Variants in IGF2BP2 observed in about 807,000 individuals in gnomAD.
IGF2BP2 encodes insulin like growth factor 2 mRNA binding protein 2.
Under a neutral mutation model 75.8 loss-of-function variants are expected in IGF2BP2, and 17 were observed. That is an observed-to-expected ratio of 0.22 (90% CI 0.15 to 0.34). The LOEUF is 0.34. Ranked by LOEUF, IGF2BP2 falls within the 10% of genes least tolerant of loss-of-function variation. IGF2BP2 has a pLI of 1.00. For missense variants in IGF2BP2, 516 were observed against 772.4 expected, an observed-to-expected ratio of 0.67 and a Z score of 3.93; for synonymous variants, 288 against 295.6, an observed-to-expected ratio of 0.97 and a Z score of 0.26.
chr3:185,757,459 C>CTTT (rs57417087), intron 2 of IGF2BP2, among the ~76,000 whole-genome samples: 315 of 99,612 alleles, frequency 3.2e-3, no homozygotes, highest in Non-Finnish European at 4.4e-3. Flanking sequence ...ATATCTCATA[C>CTTT]TTTTTTTTTT....
chr3:185,808,242 G>T (rs972341466), intron 2 of IGF2BP2, among the ~76,000 whole-genome samples: 5 of 152,058 alleles, frequency 3.3e-5, no homozygotes, highest in African/African-American at 4.8e-5. Flanking sequence ...TTGGAAGGCC[G>T]AGGCGGGTGG....
intron 2 of IGF2BP2, among the ~76,000 whole-genome samples, chr3:185,706,889 C>T (rs996430738): frequency 2.0e-5 from 3 of 151,644 alleles, no homozygotes; most frequent in African/African-American, 4.8e-5. Context: ...GACAGGAGCG[C>T]ACCACCACGC....
intron 5 of IGF2BP2, 119 bp from the exon 6 acceptor site, chr3:185,689,746 A>C (rs1721671824): frequency 9.1e-7 from 1 of 1,096,638 alleles, no homozygotes; most frequent in African/African-American, 1.6e-5. Flanking sequence ...AGGCGGGTGG[A>C]TCACGAGGTC....
intron 6 of IGF2BP2, among the ~76,000 whole-genome samples, chr3:185,688,490 G>A (rs1162798656): frequency 6.6e-6 from 1 of 152,164 alleles, no homozygotes; most frequent in South Asian, 2.1e-4. Context: ...TTACAGGCGT[G>A]AGCCACCACA....
At chr3:185,823,761 G>A (rs1008983776) in intron 1 of IGF2BP2, among the ~76,000 whole-genome samples, 20 of 152,046 alleles carry the variant, frequency 1.3e-4, no homozygotes, top group Non-Finnish European at 2.2e-4. Flanking sequence ...GTGGGGAAGG[G>A]GCTCCCGCCG....
At chr3:185,804,436 CA>C (rs71164544) in intron 2 of IGF2BP2, among the ~76,000 whole-genome samples, 2 of 143,428 alleles carry the variant, frequency 1.4e-5, no homozygotes, top group Admixed American at 7.0e-5. Context: ...TTGTCTCAAA[CA>C]AAAAAAAAAC....
At chr3:185,661,629 C>T (rs920919576) in intron 10 of IGF2BP2, among the ~76,000 whole-genome samples, 7 of 129,362 alleles carry the variant, frequency 5.4e-5, no homozygotes, top group African/African-American at 2.1e-4. Context: ...CAGAACAAGA[C>T]TGTCTCAAAA....
intron 2 of IGF2BP2, among the ~76,000 whole-genome samples, chr3:185,768,160 T>C (rs1733349219): frequency 6.6e-6 from 1 of 152,188 alleles, no homozygotes; most frequent in African/African-American, 2.4e-5. Context: ...GGGCTGTTAT[T>C]TTCTTAGTGG....
intron 12 of IGF2BP2, among the ~76,000 whole-genome samples, chr3:185,653,099 G>A (rs2149069821): frequency 6.6e-6 from 1 of 152,218 alleles, no homozygotes; most frequent in East Asian, 1.9e-4. Context: ...AAAGTGCTGG[G>A]ATTACAGGTG....
chr3:185,737,804 T>G (rs1301365723), intron 2 of IGF2BP2, among the ~76,000 whole-genome samples: 1 of 152,228 alleles, frequency 6.6e-6, no homozygotes, highest in Non-Finnish European at 1.5e-5. Flanking sequence ...TCCCCAGTTC[T>G]TAGACACTCA....
At chr3:185,743,358 C>A (rs1051408010) in intron 2 of IGF2BP2, among the ~76,000 whole-genome samples, 10 of 152,116 alleles carry the variant, frequency 6.6e-5, no homozygotes, top group African/African-American at 2.4e-4. Flanking sequence ...TCACTGCAAC[C>A]TCCATCTTCC....
intron 10 of IGF2BP2, among the ~76,000 whole-genome samples, chr3:185,665,398 G>GAGA: frequency 8.8e-6 from 1 of 113,334 alleles, no homozygotes; most frequent in Admixed American, 8.9e-5. Context: ...GAAGGAGGAG[G>GAGA]AGGAGAAGGA....
At chr3:185,804,658 C>A (rs1276570705) in intron 2 of IGF2BP2, among the ~76,000 whole-genome samples, 1 of 151,876 alleles carries the variant, frequency 6.6e-6, no homozygotes, top group Non-Finnish European at 1.5e-5. Context: ...TTCCCTTTAC[C>A]GCAACTAGCT....
At chr3:185,740,049 T>C (rs9882853) in intron 2 of IGF2BP2, among the ~76,000 whole-genome samples, 4,201 of 151,924 alleles carry the variant, frequency 0.028, 77 homozygotes, top group Non-Finnish European at 0.044. Flanking sequence ...GGTTGTGCCA[T>C]GTTGGCCAGG....
intron 2 of IGF2BP2, among the ~76,000 whole-genome samples, chr3:185,808,042 G>A (rs917143235): frequency 6.6e-6 from 1 of 151,480 alleles, no homozygotes; most frequent in African/African-American, 2.4e-5. Flanking sequence ...CTATTCAGAA[G>A]GCTGAGGTAG....
intron 2 of IGF2BP2, among the ~76,000 whole-genome samples, chr3:185,782,943 G>T (rs1735393538): frequency 6.6e-6 from 1 of 152,196 alleles, no homozygotes; most frequent in Non-Finnish European, 1.5e-5. Context: ...CACATATGAA[G>T]AAGTTATGTA....
chr3:185,705,842 G>A (rs1723950612), intron 2 of IGF2BP2, among the ~76,000 whole-genome samples: 1 of 152,164 alleles, frequency 6.6e-6, no homozygotes. Flanking sequence ...TCCACCTTAT[G>A]ATCTAATCAA....
At chr3:185,762,403 G>A (rs990102915) in intron 2 of IGF2BP2, among the ~76,000 whole-genome samples, 18 of 149,772 alleles carry the variant, frequency 1.2e-4, no homozygotes, top group African/African-American at 4.4e-4. Context: ...TGTGGTGGCA[G>A]GCGCCTGTAG....
intron 2 of IGF2BP2, among the ~76,000 whole-genome samples, chr3:185,703,261 C>T (rs181650058): frequency 6.6e-6 from 1 of 152,330 alleles, no homozygotes; most frequent in Admixed American, 6.5e-5. Context: ...CCTCAGCATA[C>T]ATTTTATAAT....
Sources: allele counts gnomAD v4.1 joint callset (sites outside exome capture counted in the v4.1 genomes callset), GRCh38; gene constraint gnomAD v4.1.1; transcripts MANE v1.5; gene names NCBI Gene and HGNC (gene_info 2026-07-23, HGNC 2026-07-21).